MCPH1: variants seen among roughly 807,000 people sequenced by gnomAD.
MCPH1 encodes microcephalin 1.
In MCPH1, 104 loss-of-function variants were observed where a neutral mutation model predicts 84.5. The observed-to-expected ratio is 1.23, with a 90% CI of 1.05 to 1.45. The LOEUF (loss-of-function observed/expected upper bound fraction) is 1.45, where lower values mean the gene tolerates loss of function less well. MCPH1 is among the 40% of genes most tolerant of loss of function. The pLI, the probability that MCPH1 is intolerant of heterozygous loss-of-function variation, is 0.00. For missense variants in MCPH1, 1,498 were observed against 1,005.7 expected (o/e 1.49, Z -6.62); for synonymous variants, 514 against 366.8 (o/e 1.40, Z -4.58).
intron 12 of MCPH1, among the ~76,000 whole-genome samples, chr8:6,549,373 C>T (rs80108220): frequency 0.037 from 5,600 of 152,336 alleles, 146 homozygotes; most frequent in East Asian, 0.095. Context: ...GTTCCAATTA[C>T]ATGACATTCA....
At chr8:6,469,789 C>G (rs1237543607) in intron 9 of MCPH1, among the ~76,000 whole-genome samples, 3 of 152,220 alleles carry the variant, frequency 2.0e-5, no homozygotes, top group South Asian at 2.1e-4. Flanking sequence ...ACAAAATCAG[C>G]TAGACCATTT....
At chr8:6,463,355 C>T (rs1217346869) in intron 9 of MCPH1, among the ~76,000 whole-genome samples, 3 of 152,106 alleles carry the variant, frequency 2.0e-5, no homozygotes, top group Non-Finnish European at 4.4e-5. Flanking sequence ...TTGTGAGCTG[C>T]GATAGGGTAC....
rs769726902 is a variant in MCPH1 at position 6,409,388 on chromosome 8, C to A, written c.114+18C>A. Reference sequence around the variant, plus strand: ...GGGCAAAGGTAAGACACTTATTTTGCTGTTGATTCATATGACAGTCTTCTG... The same window carrying A: ...GGGCAAAGGTAAGACACTTATTTTGATGTTGATTCATATGACAGTCTTCTG... On this transcript the variant is annotated intron_variant, in intron 2 of 13. Coordinates refer to ENST00000344683, the MANE Select transcript of MCPH1 (RefSeq NM_024596.5). The A allele has an allele frequency of 1.9e-6, 3 of 1,565,890 alleles. No individual in the cohort carries two copies. Among genetic ancestry groups the A allele is most frequent in the Non-Finnish European group, 2.6e-6 (3 of 1,136,190 alleles).
At chr8:6,612,683 C>G (rs942219984) in intron 12 of MCPH1, among the ~76,000 whole-genome samples, 2 of 152,210 alleles carry the variant, frequency 1.3e-5, no homozygotes, top group African/African-American at 4.8e-5. Context: ...GCCTGGTGTT[C>G]TGGGCGCCTC....
At position 6,477,630 on chromosome 8, in the gene MCPH1, G is replaced by C; in HGVS notation, c.1972G>C (p.Glu658Gln). ...ATTAGTCATGACAAGCATGCCATCT[G>C]AGTAAGTACTTGTTTTGATTTCTGT... ...RTLVMTSMPS[E>Q]KQNVVIQVVD... is the part of the protein sequence containing the mutation. Residue 658 changes from glutamate to glutamine, a missense_variant and splice_region_variant, in exon 10 of 14, where the codon GAA becomes CAA. By Grantham distance (29) the Glu-to-Gln change is conservative. Transcript: ENST00000344683. The C allele has an allele frequency of 6.2e-7, 1 of 1,612,098 alleles. No individual in the cohort carries two copies.
chr8:6,415,671 A>G (rs545417720), intron 3 of MCPH1, among the ~76,000 whole-genome samples: 29 of 152,248 alleles, frequency 1.9e-4, no homozygotes, highest in Non-Finnish European at 2.9e-4. Context: ...TTTTGATTAC[A>G]GTAAATTTGT....
At chr8:6,432,994 A>G (rs1007427065) in intron 4 of MCPH1, among the ~76,000 whole-genome samples, 2 of 152,322 alleles carry the variant, frequency 1.3e-5, no homozygotes, top group African/African-American at 4.8e-5. Flanking sequence ...TCTTCAGTAC[A>G]TTACACACAT....
intron 12 of MCPH1, among the ~76,000 whole-genome samples, chr8:6,565,819 T>A (rs1710535931): frequency 6.6e-6 from 1 of 152,218 alleles, no homozygotes; most frequent in African/African-American, 2.4e-5. Flanking sequence ...AAGACAGTGA[T>A]GCTTCCGGGT....
chr8:6,423,308 G>T (rs1055774520), intron 3 of MCPH1, among the ~76,000 whole-genome samples: 1 of 148,330 alleles, frequency 6.7e-6, no homozygotes, highest in Non-Finnish European at 1.5e-5. Flanking sequence ...GGGACTACAG[G>T]CGCCCGCCAC....
Position 6,479,885 on chromosome 8 carries a change from C to T in MCPH1, c.1974-829C>T, listed in dbSNP as rs150796769. Among the ~76,000 whole-genome samples the T allele has an allele frequency of 2.4e-4, 36 of 152,224 alleles. No homozygotes were observed. The East Asian group carries it at 4.6e-3, about 20-fold the overall frequency. On this transcript the variant is annotated intron_variant, in intron 10 of 13. Transcript: ENST00000344683. ...GCCATAATGGTCATGAGCTTTGTGA[C>T]AAATAGGTCCCAGATTTGATTTGAT... is the stretch of plus-strand genomic sequence containing the variant.
At chr8:6,507,321 A>G (rs1813949479) in intron 12 of MCPH1, among the ~76,000 whole-genome samples, 1 of 152,232 alleles carries the variant, frequency 6.6e-6, no homozygotes, top group African/African-American at 2.4e-5. Flanking sequence ...TGGGTGGGTA[A>G]CATATTAATT....
chr8:6,479,017 C>G (rs186491850), intron 10 of MCPH1, among the ~76,000 whole-genome samples: 2 of 152,314 alleles, frequency 1.3e-5, no homozygotes, highest in Admixed American at 1.3e-4. Context: ...ATAATCCCAG[C>G]ACTTTGAGGG....
chr8:6,449,316 T>C (rs2440414), intron 8 of MCPH1, among the ~76,000 whole-genome samples: 105,119 of 152,080 alleles, frequency 0.69, 39,870 homozygotes, highest in Non-Finnish European at 0.83. Context: ...AGCTCCTCAA[T>C]TGTGCAGTTA....
At chr8:6,479,941 T>C (rs901644406) in intron 10 of MCPH1, among the ~76,000 whole-genome samples, 2 of 152,122 alleles carry the variant, frequency 1.3e-5, no homozygotes, top group African/African-American at 2.4e-5. Flanking sequence ...TTTTCCCCTC[T>C]TAGTAGAAAA....
At chr8:6,430,275 T>G (rs1801647976) in intron 3 of MCPH1, among the ~76,000 whole-genome samples, 1 of 152,246 alleles carries the variant, frequency 6.6e-6, no homozygotes. Flanking sequence ...CCTGGCTTAA[T>G]AGAAGACAGT....
At chr8:6,550,054 A>G (rs765352707) in intron 12 of MCPH1, among the ~76,000 whole-genome samples, 15 of 152,230 alleles carry the variant, frequency 9.9e-5, no homozygotes, top group Admixed American at 2.6e-4. Flanking sequence ...GCCTGCTGTC[A>G]GCACTGATGT....
At chr8:6,528,188 G>A (rs1818750089) in intron 12 of MCPH1, among the ~76,000 whole-genome samples, 1 of 152,142 alleles carries the variant, frequency 6.6e-6, no homozygotes, top group Non-Finnish European at 1.5e-5. Context: ...ATTAGCCACT[G>A]CACCCGGCCG....
intron 12 of MCPH1, among the ~76,000 whole-genome samples, chr8:6,561,386 A>G (rs1825515252): frequency 6.6e-6 from 1 of 152,212 alleles, no homozygotes. Context: ...ACATTCATTC[A>G]TTTAAGCTCA....
intron 9 of MCPH1, chr8:6,473,870 T>G (rs551538878): frequency 2.0e-6 from 3 of 1,505,098 alleles, no homozygotes; most frequent in Non-Finnish European, 2.7e-6. Context: ...GATCCACTGC[T>G]CAATCCATTT....
Sources: allele counts gnomAD v4.1 joint callset (sites outside exome capture counted in the v4.1 genomes callset), GRCh38; gene constraint gnomAD v4.1.1; transcripts MANE v1.5; gene names NCBI Gene and HGNC (gene_info 2026-07-23, HGNC 2026-07-21).